LMTK2: variants seen among roughly 807,000 people sequenced by gnomAD.
LMTK2 encodes the protein serine/threonine-protein kinase LMTK2.
LMTK2 carries 37 observed loss-of-function variants against 127.5 expected under a neutral mutation model. The observed-to-expected ratio is 0.29, with a 90% CI of 0.22 to 0.38. The LOEUF (loss-of-function observed/expected upper bound fraction) is 0.38. LMTK2 is among the 10% of genes least tolerant of loss of function. LMTK2 has a pLI of 1.00. For synonymous variants in LMTK2, 819 were observed against 810.1 expected (o/e 1.01, Z -0.19); for missense variants, 1,694 against 1,920.3 (o/e 0.88, Z 2.20).
At chr7:98,183,679 C>T (rs1260918362) in intron 7 of LMTK2, among the ~76,000 whole-genome samples, 1 of 152,092 alleles carries the variant, frequency 6.6e-6, no homozygotes, top group East Asian at 1.9e-4. Flanking sequence ...TGTGATCCAC[C>T]ATGATCTGGC....
chr7:98,190,236 C>T (rs1797501477), intron 9 of LMTK2, among the ~76,000 whole-genome samples: 1 of 152,166 alleles, frequency 6.6e-6, no homozygotes, highest in Non-Finnish European at 1.5e-5. Flanking sequence ...CTCATTTTAA[C>T]AGAAATGCCT....
intron 1 of LMTK2, among the ~76,000 whole-genome samples, chr7:98,136,088 G>A: frequency 6.6e-6 from 1 of 152,126 alleles, no homozygotes; most frequent in East Asian, 1.9e-4. Flanking sequence ...GTAAGGAAGA[G>A]TTGGAGAAAA....
intron 13 of LMTK2, 106 bp downstream of exon 13, chr7:98,204,292 C>T (rs1192203973): frequency 7.0e-7 from 1 of 1,420,036 alleles, no homozygotes; most frequent in African/African-American, 1.4e-5. Context: ...GTCTTCTTCA[C>T]ATTTGCTGAG....
intron 1 of LMTK2, among the ~76,000 whole-genome samples, chr7:98,136,041 A>C (rs549505321): frequency 1.3e-5 from 2 of 152,038 alleles, no homozygotes; most frequent in South Asian, 4.2e-4. Context: ...GAGTAGGGAA[A>C]ATATGAGGAG....
At chr7:98,180,929 G>A (rs1420174670) in intron 7 of LMTK2, among the ~76,000 whole-genome samples, 5 of 152,192 alleles carry the variant, frequency 3.3e-5, no homozygotes, top group Admixed American at 6.5e-5. Flanking sequence ...GTGAGCGCCC[G>A]GCAGACTGAG....
chr7:98,138,277 T>A (rs572660601), intron 2 of LMTK2, among the ~76,000 whole-genome samples: 1 of 152,086 alleles, frequency 6.6e-6, no homozygotes, highest in Non-Finnish European at 1.5e-5. Flanking sequence ...GTGGTTCAAA[T>A]TGAGGGAAAA....
rs373999502 is a variant in LMTK2 at position 98,193,929 on chromosome 7, C to T, written c.3464C>T (p.Ala1155Val). Residue 1155 changes from alanine to valine, a missense_variant, in exon 11 of 14, where the codon GCC (alanine) becomes GTC (valine). Ala to Val is a moderately conservative substitution (Grantham distance 64). Around this residue, in one of 8 missense-constraint regions of LMTK2, gnomAD observed 554 missense variants for 567.7 expected, o/e 0.98. Transcript: ENST00000297293. This position sits in a 1 kb window ranked among gnomAD's most constrained non-coding sequence, Gnocchi z 4.1. ...SPAAQDSCLE[A>V]RKSQPDESCL... The stretch of plus-strand genomic sequence containing the variant: ...GCTGCCCAGGATAGCTGCCTGGAAG[C>T]CAGAAAGAGCCAGCCAGATGAAAGT... 191 of 1,613,998 alleles carry T rather than the reference C, an allele frequency of 1.2e-4. No individual in the cohort carries two copies. The highest frequency in any genetic ancestry group is 1.6e-4 in the Non-Finnish European group (188 of 1,180,058).
chr7:98,154,586 TG>T (rs1225687963), intron 4 of LMTK2, among the ~76,000 whole-genome samples, 171 bp from the exon 5 acceptor site: 1 of 152,222 alleles, frequency 6.6e-6, no homozygotes, highest in Non-Finnish European at 1.5e-5. Context: ...GTCCTTTTAC[TG>T]AAGAAAAATA....
intron 1 of LMTK2, among the ~76,000 whole-genome samples, chr7:98,122,456 C>T (rs17169320): frequency 0.074 from 11,238 of 152,068 alleles, 747 homozygotes; most frequent in East Asian, 0.34. Flanking sequence ...TCAAGAGTCA[C>T]GGACAGGTAT....
chr7:98,121,885 G>A (rs1796366672), intron 1 of LMTK2, among the ~76,000 whole-genome samples: 3 of 151,968 alleles, frequency 2.0e-5, no homozygotes, highest in Admixed American at 6.6e-5. Context: ...TGCACCTGTG[G>A]TTACAGCTAC....
At position 98,193,525 on chromosome 7, in the gene LMTK2, A is replaced by C. The variant is rs200823189; in HGVS notation, c.3060A>C (p.Lys1020Asn). 4.3e-5 allele frequency: 70 copies of C among 1,614,060 alleles called. No individual in the cohort carries two copies. Among genetic ancestry groups the C allele is most frequent in the Non-Finnish European group, 5.9e-5 (70 of 1,180,020 alleles). ...LDSLGSHTPQ[K>N]LVPPDKPADS... ...CTTTAGGATCTCACACTCCCCAGAA[A>C]CTAGTGCCCCCCGATAAGCCGGCAG... The change falls in exon 11 of 14, where the codon AAA becomes AAC. Residue 1020 changes from lysine (K) to asparagine (N), a missense_variant. Lys to Asn is a moderately conservative substitution (Grantham distance 94). Around this residue, in one of 8 missense-constraint regions of LMTK2, gnomAD observed 65 missense variants for 116.5 expected, o/e 0.56. Transcript: ENST00000297293. The surrounding 1 kb of genome is among the most constrained non-coding windows in gnomAD (Gnocchi z 4.1).
At chr7:98,168,390 C>A (rs913434160) in intron 6 of LMTK2, among the ~76,000 whole-genome samples, 3 of 152,192 alleles carry the variant, frequency 2.0e-5, no homozygotes, top group African/African-American at 7.2e-5. Flanking sequence ...GGAAGCGAGG[C>A]CCCGGGCTTC....
intron 7 of LMTK2, among the ~76,000 whole-genome samples, chr7:98,174,717 A>G (rs1324155039): frequency 1.3e-5 from 2 of 152,190 alleles, no homozygotes; most frequent in East Asian, 3.8e-4. Flanking sequence ...AGGATTTGCC[A>G]GGTTGTAGCA....
At chr7:98,157,263 AGG>A (rs1195588114) in intron 5 of LMTK2, among the ~76,000 whole-genome samples, 1 of 139,694 alleles carries the variant, frequency 7.2e-6, no homozygotes, top group African/African-American at 2.9e-5. Context: ...GTAGGTAGGT[AGG>A]TAGGTAGGTA....
chr7:98,184,483 A>G (rs1797403110), intron 7 of LMTK2, among the ~76,000 whole-genome samples: 1 of 152,142 alleles, frequency 6.6e-6, no homozygotes, highest in African/African-American at 2.4e-5. Flanking sequence ...CCCTGTCCAT[A>G]TCTGCCTAAC....
chr7:98,116,265 A>G (rs1345429763), intron 1 of LMTK2, among the ~76,000 whole-genome samples: 2 of 152,088 alleles, frequency 1.3e-5, no homozygotes, highest in Non-Finnish European at 2.9e-5. Context: ...GGGATAGCAC[A>G]TTTTTGGGAT....
At chr7:98,149,002 T>C (rs1046006966) in intron 3 of LMTK2, among the ~76,000 whole-genome samples, 2 of 152,244 alleles carry the variant, frequency 1.3e-5, no homozygotes, top group South Asian at 2.1e-4. Context: ...TTTCAGCATG[T>C]GCACTGTTGG....
At chr7:98,134,929 G>T (rs1444625391) in intron 1 of LMTK2, among the ~76,000 whole-genome samples, 1 of 152,200 alleles carries the variant, frequency 6.6e-6, no homozygotes, top group Non-Finnish European at 1.5e-5. Context: ...TGTGTTAAAT[G>T]TATGGGCTTT....
In LMTK2 at chr7:98,193,873, ACCCGAGCC is replaced by A. The variant is rs1562921875; in HGVS notation, c.3409_3416del (p.Pro1137SerfsTer12). 1 of 1,613,758 alleles carries A rather than the reference ACCCGAGCC, an allele frequency of 6.2e-7. No homozygotes were observed. Among genetic ancestry groups the A allele is most frequent in the East Asian group, 2.2e-5 (1 of 44,856 alleles). ...TGGTGTTGGTACAGGAGCAGCCCCTACCCGAGCCAGTCCTCCCCGAGCAAAGTCCTGCT... is the reference window on the plus strand; with the variant it reads ...TGGTGTTGGTACAGGAGCAGCCCCTAAGTCCTCCCCGAGCAAAGTCCTGCT... On this transcript the variant is annotated frameshift_variant, in exon 11 of 14. Transcript: ENST00000297293. LOFTEE classifies it high-confidence loss of function. This position sits in a 1 kb window ranked among gnomAD's most constrained non-coding sequence, Gnocchi z 4.1.
Sources: allele counts gnomAD v4.1 joint callset (sites outside exome capture counted in the v4.1 genomes callset), GRCh38; gene constraint gnomAD v4.1.1; regional missense constraint gnomAD v4.1.1; non-coding constraint Gnocchi (gnomAD v3.1); transcripts MANE v1.5; gene names NCBI Gene and HGNC (gene_info 2026-07-23, HGNC 2026-07-21).